The following GPM6A variants were observed in gnomAD, a reference collection of about 807,000 sequenced individuals.
GPM6A encodes the protein neuronal membrane glycoprotein M6-a.
A neutral mutation model predicts 32.1 loss-of-function variants in GPM6A; 7 were observed. The ratio of observed to expected loss-of-function variants is 0.22; its 90% CI spans 0.12 to 0.41. GPM6A has a LOEUF of 0.41. Among genes scored for constraint, GPM6A ranks in the 10% least tolerant of loss-of-function variants. The pLI is 1.00. For missense variants in GPM6A, 235 were observed against 347.2 expected, an observed-to-expected ratio of 0.68 and a Z score of 2.57; for synonymous variants, 130 against 123.4, an observed-to-expected ratio of 1.05 and a Z score of -0.35.
chr4:175,893,191 T>C (rs1026837348), intron 1 of GPM6A, among the ~76,000 whole-genome samples: 5 of 152,320 alleles, frequency 3.3e-5, no homozygotes, highest in Admixed American at 1.3e-4. Context: ...ATCAATGTAC[T>C]TGTGGGCTGC....
chr4:175,960,777 A>G (rs902162838), intron 1 of GPM6A: 5 of 152,252 alleles, frequency 3.3e-5, no homozygotes, highest in African/African-American at 1.2e-4. Context: ...ATATGAAAAC[A>G]AAATTACACA....
chr4:175,787,673 A>G, intron 1 of GPM6A: 1 of 1,039,594 alleles, frequency 9.6e-7, no homozygotes. Context: ...AATTTAATAT[A>G]TGCAAGACAT....
intron 3 of GPM6A, among the ~76,000 whole-genome samples, chr4:175,664,023 G>A (rs1363112823): frequency 1.3e-5 from 2 of 152,062 alleles, no homozygotes; most frequent in Non-Finnish European, 2.9e-5. Context: ...AGAACAAATT[G>A]TGCCATAAAG....
rs1184198020 is a variant in GPM6A, at chr4:175,812,200, T to G, written c.28A>C (p.Thr10Pro). 1.3e-6 allele frequency: 2 copies of G among 1,591,644 alleles called. No homozygotes were observed. Among genetic ancestry groups the G allele is most frequent in the Non-Finnish European group, 1.7e-6 (2 of 1,164,492 alleles). Residue 10 changes from threonine (T) to proline (P), a missense_variant, in exon 1 of 7, where the codon ACA (threonine) becomes CCA (proline). Physicochemically the swap from Thr to Pro is conservative, Grantham distance 38 (BLOSUM62 -1). This residue lies in a region of GPM6A where 101 missense variants were observed against 171.2 expected (regional missense o/e 0.59). Coordinates refer to ENST00000393658, the MANE Select transcript of GPM6A (RefSeq NM_201591.3). MEENMEEGQ[T>P]QKGCFECCIK... ...GCTTTTAGCACAGTACCTTTTTGTG[T>G]CTGTCCCTCTTCCATATTCTCTTCC...
At chr4:175,787,758 A>G (rs1167766822) in intron 1 of GPM6A, 4 of 285,824 alleles carry the variant, frequency 1.4e-5, no homozygotes, top group African/African-American at 2.3e-5. Context: ...ATAAAGCACC[A>G]TTTTAAAATG....
chr4:175,660,657 C>A (rs921884718), intron 3 of GPM6A, among the ~76,000 whole-genome samples: 3 of 152,104 alleles, frequency 2.0e-5, no homozygotes, highest in Non-Finnish European at 2.9e-5. Context: ...GTTGCTATTA[C>A]TTAATAAAAC....
At chr4:175,842,472 C>T (rs1384861427) in intron 1 of GPM6A, among the ~76,000 whole-genome samples, 1 of 152,094 alleles carries the variant, frequency 6.6e-6, no homozygotes, top group Non-Finnish European at 1.5e-5. Context: ...TTGGTTCACA[C>T]TTGTGATCCC....
intron 1 of GPM6A, among the ~76,000 whole-genome samples, chr4:175,932,098 GAAAAAAAA>G (rs545004795): frequency 9.2e-6 from 1 of 108,406 alleles, no homozygotes; most frequent in Non-Finnish European, 2.0e-5. Context: ...TTGCCTCTAG[GAAAAAAAA>G]AAAAAAAGAA....
chr4:175,671,326 A>G (rs1311045027), intron 3 of GPM6A, among the ~76,000 whole-genome samples: 2 of 151,714 alleles, frequency 1.3e-5, no homozygotes, highest in African/African-American at 4.8e-5. Context: ...TCCACCCTTT[A>G]GTATTATTCA....
At chr4:175,641,121 C>G in intron 4 of GPM6A, 1 of 384,054 alleles carries the variant, frequency 2.6e-6, no homozygotes, top group Non-Finnish European at 4.8e-6. Flanking sequence ...TTGGTTTGGC[C>G]CATTAATGTG....
At chr4:175,696,230 G>T (rs1744571398) in intron 2 of GPM6A, among the ~76,000 whole-genome samples, 1 of 152,154 alleles carries the variant, frequency 6.6e-6, no homozygotes, top group Admixed American at 6.5e-5. Context: ...ACTCTAGAAT[G>T]TAAGCAGCAT....
intron 1 of GPM6A, among the ~76,000 whole-genome samples, chr4:175,978,748 G>A: frequency 6.6e-6 from 1 of 152,164 alleles, no homozygotes; most frequent in East Asian, 1.9e-4. Flanking sequence ...CAATATCTGA[G>A]TTTTAATCTG....
At position 175,800,487 on chromosome 4, in the gene GPM6A, C is replaced by T. The variant is rs546670086; in HGVS notation, c.37+11704G>A. On this transcript the variant is annotated intron_variant, in intron 1 of 6. Transcript: ENST00000393658. ...TAATCTGTCCTATAGTAAGATCGGGCGCATCAAATTCTTTCCCAGCCATCC... is the reference window on the plus strand; with the variant it reads ...TAATCTGTCCTATAGTAAGATCGGGTGCATCAAATTCTTTCCCAGCCATCC... Among the ~76,000 whole-genome samples the T allele has an allele frequency of 1.1e-3, 169 of 152,200 alleles. 1 individual carries two copies. Among genetic ancestry groups the T allele is most frequent in the South Asian group, 3.9e-3 (19 of 4,826 alleles).
intron 1 of GPM6A, among the ~76,000 whole-genome samples, chr4:175,895,153 A>G (rs998589095): frequency 2.0e-5 from 3 of 152,160 alleles, no homozygotes. Flanking sequence ...GAATGAAATC[A>G]TCTTGTGATT....
intron 1 of GPM6A, among the ~76,000 whole-genome samples, chr4:175,827,057 G>A (rs915362837): frequency 6.6e-6 from 1 of 152,142 alleles, no homozygotes; most frequent in African/African-American, 2.4e-5. Context: ...CCTCCAAGAT[G>A]CCCATGAAGT....
In GPM6A at chr4:175,781,136, A is replaced by G. The variant is rs1046968556; in HGVS notation, c.37+31055T>C. Reference sequence around the variant, plus strand: ...AGGGCCTCAGGCACAGTAATAAAAAAAAAATAGAACAAAAAAGATAACGTT... The same window carrying G: ...AGGGCCTCAGGCACAGTAATAAAAAGAAAATAGAACAAAAAAGATAACGTT... On this transcript the variant is annotated intron_variant, in intron 1 of 6. Transcript: ENST00000393658. 8 of 152,152 alleles carry G rather than the reference A, an allele frequency of 5.3e-5. No individual in the cohort carries two copies. The East Asian group carries it at 1.2e-3, about 22-fold the overall frequency. The allele number at this position is 152,152 out of a possible 1,614,324, so 9.4% of individuals were successfully genotyped here.
intron 1 of GPM6A, among the ~76,000 whole-genome samples, chr4:175,766,771 C>T (rs10023273): frequency 0.081 from 12,210 of 151,552 alleles, 723 homozygotes; most frequent in African/African-American, 0.17. Context: ...TCTCCTGCCT[C>T]ATCCTCCCGA....
chr4:175,793,190 T>C (rs987133689), intron 1 of GPM6A, among the ~76,000 whole-genome samples: 10 of 152,160 alleles, frequency 6.6e-5, no homozygotes, highest in African/African-American at 2.4e-4. Flanking sequence ...AAAAAATTAA[T>C]AATAACTGCC....
At chr4:175,798,037 TG>T (rs1734306100) in intron 1 of GPM6A, among the ~76,000 whole-genome samples, 1 of 152,114 alleles carries the variant, frequency 6.6e-6, no homozygotes, top group African/African-American at 2.4e-5. Context: ...AAACTTGAGT[TG>T]GGGAAATGAA....
Sources: allele counts gnomAD v4.1 joint callset (sites outside exome capture counted in the v4.1 genomes callset), GRCh38; gene constraint gnomAD v4.1.1; regional missense constraint gnomAD v4.1.1; transcripts MANE v1.5; gene names NCBI Gene and HGNC (gene_info 2026-07-23, HGNC 2026-07-21).